ABCE1: variants seen among roughly 807,000 people sequenced by gnomAD.
ABCE1 encodes the protein ATP binding cassette subfamily E member 1, also known as ATP-binding cassette sub-family E member 1.
In ABCE1, 22 loss-of-function variants were observed where a neutral mutation model predicts 83.4. That is an observed-to-expected ratio of 0.26 (90% CI 0.19 to 0.38). The LOEUF (loss-of-function observed/expected upper bound fraction) is 0.38, where lower values mean the gene tolerates loss of function less well. Among genes scored for constraint, ABCE1 ranks in the 10% least tolerant of loss-of-function variants. ABCE1 has a pLI of 1.00. For synonymous variants in ABCE1, 204 were observed against 233.7 expected (o/e 0.87, Z 1.16); for missense variants, 330 against 721.9 (o/e 0.46, Z 6.22).
chr4:145,103,664 G>A (rs1418995129), intron 1 of ABCE1, among the ~76,000 whole-genome samples: 1 of 152,104 alleles, frequency 6.6e-6, no homozygotes, highest in Non-Finnish European at 1.5e-5. Flanking sequence ...GGAAGAGCTT[G>A]TGGGATTTCC....
chr4:145,121,132 C>CA, intron 11 of ABCE1, 42 bp from the exon 12 acceptor site: 1 of 1,601,032 alleles, frequency 6.2e-7, no homozygotes, highest in Non-Finnish European at 8.5e-7. Context: ...CTTTAAACGT[C>CA]AAGCATCTTT....
chr4:145,123,041 A>G lies in ABCE1; in HGVS notation c.1284A>G (p.Leu428=). 2 of 1,590,348 alleles carry G rather than the reference A, an allele frequency of 1.3e-6. No individual in the cohort carries two copies. The highest frequency in any genetic ancestry group is 1.7e-6 in the Non-Finnish European group (2 of 1,171,502). ...PKSTGSVRQL[L]HEKIRDAYTH... ...AACAGGGAAGTGTTCGCCAGTTACT[A>G]CATGAAAAGATAAGAGATGCTTATA... The change falls in exon 14 of 18, where the codon CTA becomes CTG. Residue 428 remains leucine (L), a synonymous_variant. Transcript: ENST00000296577.
Position 145,119,772 on chromosome 4 carries a change from T to G in ABCE1, c.923-160T>G, listed in dbSNP as rs1254156391. Among the ~76,000 whole-genome samples the G allele has an allele frequency of 2.7e-5, 4 of 150,080 alleles. No individual in the cohort carries two copies. The East Asian group carries it at 7.7e-4, about 29-fold the overall frequency. ...ATTCATGAATTATTTAAACTTACAT[T>G]AAATATATATAGTTTTTTAAGTTAC... On this transcript the variant is annotated intron_variant, in intron 10 of 17. Transcript: ENST00000296577.
At chr4:145,106,404 C>T (rs1206101139) in intron 3 of ABCE1, among the ~76,000 whole-genome samples, 1 of 151,924 alleles carries the variant, frequency 6.6e-6, no homozygotes, top group Non-Finnish European at 1.5e-5. Flanking sequence ...GAAACATTTT[C>T]ACTTGCTTTG....
chr4:145,112,359 GT>G, intron 9 of ABCE1, 31 bp downstream of exon 9: 1 of 1,405,822 alleles, frequency 7.1e-7, no homozygotes, highest in Non-Finnish European at 9.8e-7. Context: ...TTACTGTGTT[GT>G]TTTGTTTGGA....
chr4:145,099,192 C>T (rs993324568), intron 1 of ABCE1, among the ~76,000 whole-genome samples: 1 of 152,154 alleles, frequency 6.6e-6, no homozygotes, highest in East Asian at 1.9e-4. Flanking sequence ...GCATTTAATA[C>T]GTATTGTGAA....
chr4:145,117,939 C>T (rs1027002255), intron 10 of ABCE1, among the ~76,000 whole-genome samples: 1 of 151,670 alleles, frequency 6.6e-6, no homozygotes, highest in Admixed American at 6.6e-5. Flanking sequence ...TGGCCTCTCC[C>T]TTCCATGTCT....
chr4:145,127,590 T>C lies in ABCE1; in HGVS notation c.*17T>C, dbSNP rs752086804. On this transcript the variant is annotated 3_prime_UTR_variant, in exon 18 of 18. Coordinates refer to ENST00000296577, the MANE Select transcript of ABCE1 (RefSeq NM_002940.3). ...GATGATTAGACTGACTCTGAGAATA[T>C]TGATAAGCCATTTATTAAAAGGAGT... is the stretch of plus-strand genomic sequence containing the variant. 21 of 1,533,860 alleles carry C rather than the reference T, an allele frequency of 1.4e-5. 1 individual carries two copies. The African/African-American group carries it at 2.2e-4, about 16-fold the overall frequency.
At chr4:145,125,466 T>TA (rs904906008) in intron 17 of ABCE1, among the ~76,000 whole-genome samples, 22 of 152,106 alleles carry the variant, frequency 1.4e-4, no homozygotes, top group African/African-American at 5.3e-4. Context: ...AGACTCTGTC[T>TA]AAAAAAATAA....
At chr4:145,110,558 C>T in intron 7 of ABCE1, 114 bp downstream of exon 7, 1 of 1,002,524 alleles carries the variant, frequency 1.0e-6, no homozygotes, top group Admixed American at 2.0e-5. Flanking sequence ...TTACCACAAC[C>T]TCTGCCTCCC....
intron 9 of ABCE1, among the ~76,000 whole-genome samples, chr4:145,116,916 CTACAGCTA>C (rs1425337650): frequency 2.6e-5 from 4 of 151,910 alleles, no homozygotes; most frequent in African/African-American, 9.7e-5. Flanking sequence ...CCATCCCCTA[CTACAGCTA>C]GCATGGGACA....
intron 11 of ABCE1, 161 bp from the exon 12 acceptor site, chr4:145,121,013 C>T: frequency 1.6e-6 from 1 of 637,030 alleles, no homozygotes. Context: ...CAGAGGTGAG[C>T]CATGAAAGAC....
chr4:145,128,720 T>C lies in ABCE1; in HGVS notation c.*1147T>C, dbSNP rs753943064. ...GGAATTATGAGTGAGGAAGAGTGTT[T>C]ACTAAATAAATGACTGGGGCAAGCA... On this transcript the variant is annotated 3_prime_UTR_variant, in exon 18 of 18. Transcript: ENST00000296577. 1 of 152,178 alleles carries C rather than the reference T, an allele frequency of 6.6e-6. No individual in the cohort carries two copies. Among genetic ancestry groups the C allele is most frequent in the Non-Finnish European group, 1.5e-5 (1 of 68,026 alleles). The allele number at this position is 152,178 out of a possible 1,614,324, so 9.4% of individuals were successfully genotyped here.
intron 16 of ABCE1, 34 bp from the exon 17 acceptor site, chr4:145,124,956 A>G (rs767709992): frequency 8.8e-6 from 13 of 1,483,720 alleles, no homozygotes; most frequent in Non-Finnish European, 1.1e-5. Flanking sequence ...CTGAAGTAAA[A>G]TTTAATCAAA....
chr4:145,104,451 T>C lies in ABCE1; in HGVS notation c.39T>C (p.His13=). 5.0e-6 allele frequency: 8 copies of C among 1,602,600 alleles called. No individual in the cohort carries two copies. The highest frequency in any genetic ancestry group is 6.8e-6 in the Non-Finnish European group (8 of 1,175,026). The change falls in exon 2 of 18, where the codon CAT becomes CAC. Residue 13 remains histidine (H), a synonymous_variant. Coordinates refer to ENST00000296577, the MANE Select transcript of ABCE1 (RefSeq NM_002940.3). ...TAACGAGAATTGCTATTGTCAACCATGACAAATGTAAACCTAAGAAATGTC... is the reference window on the plus strand; with the variant it reads ...TAACGAGAATTGCTATTGTCAACCACGACAAATGTAAACCTAAGAAATGTC... ...DKLTRIAIVN[H]DKCKPKKCRQ... is the part of the protein sequence containing the mutation.
Position 145,110,135 on chromosome 4 carries a change from T to C in ABCE1, c.438T>C (p.Tyr146=). ...CTGACTGGCAGGAGATTTTGACTTA[T>C]TTCCGTGGATCTGAATTACAAAATT... ...DPPDWQEILT[Y]FRGSELQNYF... Residue 146 remains tyrosine, a synonymous_variant, in exon 6 of 18, where the codon TAT becomes TAC. Coordinates refer to ENST00000296577, the MANE Select transcript of ABCE1 (RefSeq NM_002940.3). 1.9e-6 allele frequency: 3 copies of C among 1,594,042 alleles called. No homozygotes were observed. Among genetic ancestry groups the C allele is most frequent in the African/African-American group, 1.4e-5 (1 of 73,536 alleles).
At chr4:145,113,350 C>T (rs920118785) in intron 9 of ABCE1, among the ~76,000 whole-genome samples, 1 of 152,166 alleles carries the variant, frequency 6.6e-6, no homozygotes, top group Non-Finnish European at 1.5e-5. Flanking sequence ...TTTCAAATCT[C>T]TATTCATGGG....
chr4:145,107,715 T>C (rs1749346989), intron 3 of ABCE1, among the ~76,000 whole-genome samples: 1 of 152,190 alleles, frequency 6.6e-6, no homozygotes, highest in Non-Finnish European at 1.5e-5. Flanking sequence ...AAGGGCTGAC[T>C]TTTTCTTTTA....
chr4:145,118,052 C>A (rs749193288), intron 10 of ABCE1, among the ~76,000 whole-genome samples: 5 of 151,634 alleles, frequency 3.3e-5, no homozygotes, highest in Non-Finnish European at 5.9e-5. Flanking sequence ...ATACCTTTTT[C>A]CTTTTTTTCT....
Sources: allele counts gnomAD v4.1 joint callset (sites outside exome capture counted in the v4.1 genomes callset), GRCh38; gene constraint gnomAD v4.1.1; transcripts MANE v1.5; gene names NCBI Gene and HGNC (gene_info 2026-07-23, HGNC 2026-07-21).